CADM2: variants seen among roughly 807,000 people sequenced by gnomAD.
CADM2 encodes the protein immunoglobulin superfamily member 4D.
CADM2 carries 12 observed loss-of-function variants against 49.8 expected under a neutral mutation model. The ratio of observed to expected loss-of-function variants is 0.24; its 90% CI spans 0.15 to 0.39. The LOEUF (loss-of-function observed/expected upper bound fraction) is 0.39. Among genes scored for constraint, CADM2 ranks in the 10% least tolerant of loss-of-function variants. CADM2 has a pLI of 1.00. For synonymous variants in CADM2, 214 were observed against 175.4 expected, an observed-to-expected ratio of 1.22 and a Z score of -1.74; for missense variants, 378 against 492.3, an observed-to-expected ratio of 0.77 and a Z score of 2.20.
intron 1 of CADM2, among the ~76,000 whole-genome samples, chr3:85,070,785 G>T (rs375477101): frequency 6.6e-6 from 1 of 151,972 alleles, no homozygotes; most frequent in African/African-American, 2.4e-5. Flanking sequence ...GAGGTCAAGA[G>T]ATCAAGACCA....
At chr3:86,047,166 G>A (rs760412991) in intron 8 of CADM2, among the ~76,000 whole-genome samples, 7 of 152,054 alleles carry the variant, frequency 4.6e-5, no homozygotes, top group Non-Finnish European at 8.8e-5. Flanking sequence ...ATTTCTTAAT[G>A]TCTTTCTTAA....
At chr3:85,377,781 A>G (rs931866396) in intron 1 of CADM2, among the ~76,000 whole-genome samples, 1 of 152,076 alleles carries the variant, frequency 6.6e-6, no homozygotes, top group African/African-American at 2.4e-5. Context: ...GACAATTACA[A>G]TGAGGTAGCA....
chr3:85,147,948 A>G (rs1050814900), intron 1 of CADM2, among the ~76,000 whole-genome samples: 1 of 152,210 alleles, frequency 6.6e-6, no homozygotes, highest in African/African-American at 2.4e-5. Flanking sequence ...TTATTAATTC[A>G]TATAACTTGG....
At chr3:85,807,800 A>G (rs1330854078) in intron 3 of CADM2, among the ~76,000 whole-genome samples, 2 of 152,032 alleles carry the variant, frequency 1.3e-5, no homozygotes, top group African/African-American at 4.8e-5. Flanking sequence ...TACCTTGTCC[A>G]GTTCCAGCCT....
intron 1 of CADM2, among the ~76,000 whole-genome samples, chr3:85,198,016 A>G (rs950088102): frequency 2.0e-5 from 3 of 151,902 alleles, no homozygotes; most frequent in African/African-American, 7.2e-5. Flanking sequence ...CTGATATCCT[A>G]GCTTGCCCTA....
intron 5 of CADM2, among the ~76,000 whole-genome samples, chr3:85,907,075 C>CAGTT (rs1716898008): frequency 6.6e-6 from 1 of 152,092 alleles, no homozygotes; most frequent in Admixed American, 6.6e-5. Flanking sequence ...ACAACATGTC[C>CAGTT]AGTTCTCCAC....
chr3:85,576,255 A>G (rs2062630368), intron 1 of CADM2, among the ~76,000 whole-genome samples: 1 of 152,166 alleles, frequency 6.6e-6, no homozygotes, highest in Non-Finnish European at 1.5e-5. Flanking sequence ...CTTGCCTGAA[A>G]GAGGTAGGCA....
intron 1 of CADM2, among the ~76,000 whole-genome samples, chr3:85,691,237 T>C (rs778247409): frequency 3.9e-5 from 6 of 152,194 alleles, no homozygotes; most frequent in Non-Finnish European, 7.3e-5. Context: ...TTCATTCATG[T>C]TGCTGCAAAT....
chr3:86,064,459 T>C (rs558542932), intron 8 of CADM2, among the ~76,000 whole-genome samples: 10 of 152,330 alleles, frequency 6.6e-5, no homozygotes, highest in African/African-American at 2.4e-4. Flanking sequence ...CTATCATTGT[T>C]GGACATTTGG....
At chr3:85,420,388 G>A (rs1340438333) in intron 1 of CADM2, among the ~76,000 whole-genome samples, 1 of 152,156 alleles carries the variant, frequency 6.6e-6, no homozygotes, top group South Asian at 2.1e-4. Context: ...TCTTAGAAAA[G>A]AATGCATGAG....
intron 1 of CADM2, among the ~76,000 whole-genome samples, chr3:85,512,265 A>G (rs1053911538): frequency 1.3e-5 from 2 of 152,070 alleles, no homozygotes; most frequent in African/African-American, 4.8e-5. Context: ...AGAACAGGCT[A>G]TATTTAGTTT....
At chr3:85,704,605 C>A (rs2066880549) in intron 1 of CADM2, among the ~76,000 whole-genome samples, 1 of 151,970 alleles carries the variant, frequency 6.6e-6, no homozygotes, top group African/African-American at 2.4e-5. Flanking sequence ...TACCTCATAA[C>A]CTAATGACCT....
chr3:85,363,648 A>G (rs1477885492), intron 1 of CADM2, among the ~76,000 whole-genome samples: 1 of 152,132 alleles, frequency 6.6e-6, no homozygotes, highest in African/African-American at 2.4e-5. Context: ...GTCTCGCTGT[A>G]TGGCCCAGGC....
At chr3:85,884,785 C>T (rs541629209) in intron 4 of CADM2, among the ~76,000 whole-genome samples, 5 of 148,448 alleles carry the variant, frequency 3.4e-5, no homozygotes, top group Admixed American at 1.4e-4. Context: ...AGTGCAGTGG[C>T]GCCATCTCAG....
At chr3:85,705,157 C>A (rs2066903379) in intron 1 of CADM2, among the ~76,000 whole-genome samples, 1 of 150,432 alleles carries the variant, frequency 6.6e-6, no homozygotes, top group Admixed American at 6.6e-5. Context: ...TGAGCCAGTG[C>A]ATCCCGCCCC....
intron 1 of CADM2, among the ~76,000 whole-genome samples, chr3:85,673,710 T>G (rs1468061088): frequency 6.6e-6 from 1 of 151,988 alleles, no homozygotes; most frequent in Non-Finnish European, 1.5e-5. Flanking sequence ...AGGAAGAAAG[T>G]GTACTTCCTT....
At chr3:85,999,164 C>G (rs1198408299) in intron 8 of CADM2, among the ~76,000 whole-genome samples, 2 of 151,444 alleles carry the variant, frequency 1.3e-5, no homozygotes, top group East Asian at 3.9e-4. Flanking sequence ...CTCATAGCAC[C>G]AAATGTTTCA....
intron 1 of CADM2, among the ~76,000 whole-genome samples, chr3:85,522,155 T>G (rs2061038667): frequency 6.6e-6 from 1 of 152,248 alleles, no homozygotes. Flanking sequence ...TACTTTCTGT[T>G]AGGTGATAGG....
intron 1 of CADM2, among the ~76,000 whole-genome samples, chr3:85,521,056 C>T (rs2061016943): frequency 6.6e-6 from 1 of 152,032 alleles, no homozygotes; most frequent in Non-Finnish European, 1.5e-5. Flanking sequence ...CCTATGTAAA[C>T]TCATAAAATT....
Sources: allele counts gnomAD v4.1 joint callset (sites outside exome capture counted in the v4.1 genomes callset), GRCh38; gene constraint gnomAD v4.1.1; transcripts MANE v1.5; gene names NCBI Gene and HGNC (gene_info 2026-07-23, HGNC 2026-07-21).